MARF1: variants seen among roughly 807,000 people sequenced by gnomAD.
The protein encoded by MARF1 is limkain-b1.
MARF1 carries 24 observed loss-of-function variants against 168.2 expected under a neutral mutation model. The observed-to-expected ratio is 0.14, with a 90% confidence interval of 0.10 to 0.20. MARF1 has a LOEUF of 0.20. Among genes scored for constraint, MARF1 ranks in the 10% least tolerant of loss-of-function variants. The probability of loss-of-function intolerance (pLI) is 1.00; values close to 1 mark genes in which losing one functional copy is unlikely to be tolerated. For missense variants in MARF1, 1,744 were observed against 2,143.6 expected (o/e 0.81, Z 3.68); for synonymous variants, 868 against 822.4 (o/e 1.06, Z -0.95).
At position 15,602,436 on chromosome 16, in the gene MARF1, G is replaced by A. The variant is rs546600761; in HGVS notation, c.4414-233C>T. 1.4e-4 allele frequency: 82 copies of A among 606,746 alleles called. No homozygotes were observed. In the East Asian group the frequency reaches 2.1e-3, roughly 16 times the overall value. 37.6% of individuals were successfully genotyped at this position (606,746 alleles called of 1,614,324 possible). On this transcript the variant is annotated intron_variant, in intron 22 of 26. Transcript: ENST00000396368. Reference sequence around the variant, plus strand: ...CAAAGAAGATGAAGACAAAGACGACGAGACAAAAACGAAGATAAAGACGAC... The same window carrying A: ...CAAAGAAGATGAAGACAAAGACGACAAGACAAAAACGAAGATAAAGACGAC...
chr16:15,611,015 G>T lies in MARF1; in HGVS notation c.3711C>A (p.Ser1237=). The change falls in exon 19 of 27, where the codon TCC becomes TCA. Residue 1237 remains serine (S), a synonymous_variant. Transcript: ENST00000396368. ...AAATCACCATTTCATTATCTTGTTG[G>T]GACAAGCAGATGGTTGTGTCTGGAA... ...SEIPDTTICL[S]QQDNEMVICI... is the part of the protein sequence containing the mutation. 6.2e-7 allele frequency: 1 copy of T among 1,613,732 alleles called. No homozygotes were observed. Among genetic ancestry groups the T allele is most frequent in the East Asian group, 2.2e-5 (1 of 44,862 alleles).
intron 22 of MARF1, 187 bp from the exon 23 acceptor site, chr16:15,602,390 CAA>C (rs1018743540): frequency 8.3e-6 from 5 of 602,522 alleles, no homozygotes; most frequent in Admixed American, 3.1e-5. Flanking sequence ...AAGGAGACGA[CAA>C]AGATAAAGAA....
At chr16:15,636,771 G>A (rs923483684) in intron 2 of MARF1, among the ~76,000 whole-genome samples, 1 of 152,206 alleles carries the variant, frequency 6.6e-6, no homozygotes, top group African/African-American at 2.4e-5. Flanking sequence ...ATACTTAATA[G>A]TTCTGTGGTC....
intron 22 of MARF1, among the ~76,000 whole-genome samples, chr16:15,603,959 C>T (rs1347399917): frequency 6.6e-6 from 1 of 152,032 alleles, no homozygotes; most frequent in Non-Finnish European, 1.5e-5. Flanking sequence ...CACCCCAGTG[C>T]CAGGATGAGG....
chr16:15,611,033 G>T lies in MARF1; in HGVS notation c.3693C>A (p.Asp1231Glu). 1 of 1,613,578 alleles carries T rather than the reference G, an allele frequency of 6.2e-7. No homozygotes were observed. Among genetic ancestry groups the T allele is most frequent in the Non-Finnish European group, 8.5e-7 (1 of 1,179,488 alleles). ...CTTGTTGGGACAAGCAGATGGTTGTGTCTGGAATCTCTGATACGATGTCAA... is the reference window on the plus strand; with the variant it reads ...CTTGTTGGGACAAGCAGATGGTTGTTTCTGGAATCTCTGATACGATGTCAA... ...ELIDIVSEIP[D>E]TTICLSQQDN... Residue 1231 changes from aspartate (D) to glutamate (E), a missense_variant, in exon 19 of 27, where the codon GAC becomes GAA. Transcript: ENST00000396368.
At chr16:15,609,126 G>A (rs1317106452) in intron 20 of MARF1, among the ~76,000 whole-genome samples, 6 of 152,150 alleles carry the variant, frequency 3.9e-5, no homozygotes, top group Admixed American at 6.5e-5. Context: ...GTAATCCCCA[G>A]CTACTCGGGA....
At chr16:15,610,839 G>T in intron 19 of MARF1, 136 bp downstream of exon 19, 1 of 789,634 alleles carries the variant, frequency 1.3e-6, no homozygotes, top group South Asian at 1.8e-5. Flanking sequence ...CCAAAGAGCA[G>T]CAGTTTTCAC....
chr16:15,636,270 T>G lies in MARF1; in HGVS notation c.217A>C (p.Lys73Gln). The change falls in exon 3 of 27, where the codon AAG (lysine) becomes CAG (glutamine). Residue 73 changes from lysine (K) to glutamine (Q), a missense_variant. Physicochemically the swap from Lys to Gln is moderately conservative, Grantham distance 53. This residue lies in a region of MARF1 where 318 missense variants were observed against 336.6 expected (regional missense o/e 0.94). Coordinates refer to ENST00000396368, the MANE Select transcript of MARF1 (RefSeq NM_014647.4). ...GGAAGTGGGACTGCTGGAAAAAGCT[T>G]AGAGCCAGCATGAAGGGGTGATGGT... ...DVPSPLHAGSKLFPAVPLPDI... is the reference protein window; with the variant it reads ...DVPSPLHAGSQLFPAVPLPDI... 2 of 1,613,460 alleles carry G rather than the reference T, an allele frequency of 1.2e-6. No homozygotes were observed. The highest frequency in any genetic ancestry group is 1.7e-6 in the Non-Finnish European group (2 of 1,179,576).
chr16:15,636,124 GCCA>G lies in MARF1; in HGVS notation c.360_362del (p.Gly122del). The stretch of plus-strand genomic sequence containing the variant: ...TCAAGCTACTGGTACCTCCGCTACC[GCCA>G]CCACCACCACCAAAACGCATTGGCG... On this transcript the variant is annotated inframe_deletion, in exon 3 of 27. Coordinates refer to ENST00000396368, the MANE Select transcript of MARF1 (RefSeq NM_014647.4). 1.9e-6 allele frequency: 3 copies of G among 1,614,118 alleles called. No homozygotes were observed. The highest frequency in any genetic ancestry group is 1.6e-4 in the Middle Eastern group (1 of 6,062).
chr16:15,627,012 A>C (rs2034902625), intron 7 of MARF1, among the ~76,000 whole-genome samples: 1 of 148,512 alleles, frequency 6.7e-6, no homozygotes, highest in Non-Finnish European at 1.5e-5. Context: ...ACTGGAGAAA[A>C]AGAAAGAAAA....
At chr16:15,619,145 C>T (rs1471740229) in intron 13 of MARF1, among the ~76,000 whole-genome samples, 2 of 152,142 alleles carry the variant, frequency 1.3e-5, no homozygotes, top group African/African-American at 2.4e-5. Context: ...GGCAGGATGG[C>T]GGATGCCTGT....
intron 7 of MARF1, among the ~76,000 whole-genome samples, chr16:15,628,929 A>C (rs1170744414): frequency 6.6e-6 from 1 of 152,212 alleles, no homozygotes; most frequent in Non-Finnish European, 1.5e-5. Flanking sequence ...AAAAACATCC[A>C]GCAAAACTAA....
chr16:15,639,565 T>C (rs974655428), intron 1 of MARF1, among the ~76,000 whole-genome samples: 5 of 152,172 alleles, frequency 3.3e-5, no homozygotes, highest in Non-Finnish European at 5.9e-5. Flanking sequence ...TATGCCTGGC[T>C]AATTTTTATA....
intron 6 of MARF1, among the ~76,000 whole-genome samples, 193 bp downstream of exon 6, chr16:15,631,188 G>A (rs1006520002): frequency 3.9e-5 from 6 of 152,208 alleles, no homozygotes; most frequent in South Asian, 2.1e-4. Context: ...AATAACTCAA[G>A]TTCCAAGGAG....
At position 15,596,947 on chromosome 16, in the gene MARF1, C is replaced by A. The variant is rs764481721; in HGVS notation, c.4985-10G>T. 1 of 1,589,868 alleles carries A rather than the reference C, an allele frequency of 6.3e-7. No homozygotes were observed. Among genetic ancestry groups the A allele is most frequent in the Non-Finnish European group, 8.6e-7 (1 of 1,163,546 alleles). On this transcript the variant is annotated splice_polypyrimidine_tract_variant and intron_variant, in intron 26 of 26. Transcript: ENST00000396368. ...TTTAAAATCATAATTTCTGTAAACA[C>A]AGAAAAGCAAACAGATTCAGATCCA...
intron 10 of MARF1, 55 bp from the exon 11 acceptor site, chr16:15,623,178 A>G (rs1768774990): frequency 2.2e-6 from 3 of 1,340,324 alleles, no homozygotes; most frequent in African/African-American, 1.5e-5. Flanking sequence ...GTATATTTAG[A>G]TTTTATCATT....
At chr16:15,623,544 G>A (rs764357621) in intron 10 of MARF1, among the ~76,000 whole-genome samples, 9 of 151,900 alleles carry the variant, frequency 5.9e-5, no homozygotes, top group Non-Finnish European at 1.2e-4. Flanking sequence ...GCCTCCCAAA[G>A]GGCTGGGATT....
chr16:15,635,456 A>G (rs1481729412), intron 3 of MARF1, 200 bp downstream of exon 3: 4 of 563,906 alleles, frequency 7.1e-6, no homozygotes, highest in Non-Finnish European at 1.2e-5. Context: ...AAAAATAATG[A>G]CTCTCTACTT....
At chr16:15,621,411 G>T in intron 12 of MARF1, 1 of 304,796 alleles carries the variant, frequency 3.3e-6, no homozygotes. Flanking sequence ...TTCTACCTAA[G>T]ATCTCAAGGT....
Sources: gnomAD v4.1 joint callset for allele counts (sites outside exome capture counted in the v4.1 genomes callset) on GRCh38, gnomAD v4.1.1 for gene constraint, gnomAD v4.1.1 regional missense constraint, MANE v1.5 for transcripts, NCBI Gene and HGNC (gene_info 2026-07-23, HGNC 2026-07-21) for gene names.